Variants in SMIM35 observed in about 807,000 individuals in gnomAD.
SMIM35 encodes TMPRSS4 antisense RNA 1 (non-protein coding).
chr11:118,028,856 G>A (rs1325045125), intron 1 of SMIM35: 3 of 449,974 alleles, frequency 6.7e-6, no homozygotes, highest in South Asian at 4.7e-5. Context: ...AAAGGAGGAG[G>A]AAGAAGAAGA....
intron 1 of SMIM35, chr11:118,077,124 G>T (rs1315443428): frequency 4.9e-6 from 3 of 607,434 alleles, no homozygotes; most frequent in Non-Finnish European, 5.6e-6. Flanking sequence ...CAGCGGACAA[G>T]GATGCTGGGC....
intron 1 of SMIM35, among the ~76,000 whole-genome samples, chr11:118,026,898 A>T (rs1046192248): frequency 6.6e-6 from 1 of 152,122 alleles, no homozygotes; most frequent in Non-Finnish European, 1.5e-5. Context: ...CAAAATCCAA[A>T]TTTAAGAAAA....
At chr11:118,033,877 G>T (rs2058338082) in intron 1 of SMIM35, among the ~76,000 whole-genome samples, 1 of 152,172 alleles carries the variant, frequency 6.6e-6, no homozygotes, top group Non-Finnish European at 1.5e-5. Context: ...CTTACAATGT[G>T]TCCATGAGCA....
At chr11:118,023,679 T>C (rs948645637) in intron 1 of SMIM35, among the ~76,000 whole-genome samples, 5 of 152,000 alleles carry the variant, frequency 3.3e-5, no homozygotes, top group Non-Finnish European at 7.4e-5. Context: ...AGTAGTGCAC[T>C]TGAAGGCATA....
chr11:118,079,820 TGGG>T (rs1565405358), intron 1 of SMIM35, among the ~76,000 whole-genome samples: 1 of 152,148 alleles, frequency 6.6e-6, no homozygotes, highest in African/African-American at 2.4e-5. Context: ...CCACCCTGAC[TGGG>T]GCACAGAATC....
intron 4 of SMIM35, among the ~76,000 whole-genome samples, chr11:118,007,831 C>T (rs1335032898): frequency 6.6e-6 from 1 of 152,048 alleles, no homozygotes; most frequent in African/African-American, 2.4e-5. Context: ...TCCAGCACTG[C>T]CCAACCTGTT....
chr11:118,054,270 C>T (rs78800712), intron 1 of SMIM35, among the ~76,000 whole-genome samples: 2,473 of 151,694 alleles, frequency 0.016, 108 homozygotes, highest in East Asian at 0.11. Context: ...TTTGTGTGGA[C>T]GCATTGTGCA....
At chr11:118,013,721 T>C (rs985066380) in intron 4 of SMIM35, 27 bp downstream of exon 4, 2 of 398,808 alleles carry the variant, frequency 5.0e-6, no homozygotes, top group Non-Finnish European at 4.4e-6. Flanking sequence ...TCAGGCTCAC[T>C]CGGCAGCTCT....
intron 4 of SMIM35, among the ~76,000 whole-genome samples, chr11:118,008,167 G>A (rs2135010293): frequency 6.6e-6 from 1 of 152,302 alleles, no homozygotes; most frequent in Non-Finnish European, 1.5e-5. Flanking sequence ...ACCGTGCCCG[G>A]CCACACCTGT....
intron 4 of SMIM35, among the ~76,000 whole-genome samples, chr11:118,009,165 G>A (rs1036187804): frequency 6.6e-6 from 1 of 152,122 alleles, no homozygotes; most frequent in Non-Finnish European, 1.5e-5. Flanking sequence ...AGCTGAGGAT[G>A]GGGCCTGGGG....
At chr11:118,025,097 T>G (rs768462606) in intron 1 of SMIM35, among the ~76,000 whole-genome samples, 7 of 152,186 alleles carry the variant, frequency 4.6e-5, no homozygotes, top group Admixed American at 3.3e-4. Flanking sequence ...AAGGAGAAGA[T>G]TTTGTTCTTT....
At chr11:118,028,411 A>AT in intron 1 of SMIM35, among the ~76,000 whole-genome samples, 2 of 151,858 alleles carry the variant, frequency 1.3e-5, no homozygotes, top group Middle Eastern at 6.8e-3. Context: ...ATGATATGTT[A>AT]TTTTTTCTTT....
chr11:118,061,550 C>G (rs1256673459), intron 1 of SMIM35, among the ~76,000 whole-genome samples: 1 of 152,094 alleles, frequency 6.6e-6, no homozygotes. Context: ...CAGACGAACA[C>G]CGTCGGATCA....
chr11:118,030,004 A>G (rs2058305165), intron 1 of SMIM35: 1 of 342,748 alleles, frequency 2.9e-6, no homozygotes, highest in South Asian at 2.2e-5. Flanking sequence ...ATGCAGAAAT[A>G]TGAAAATATC....
intron 1 of SMIM35, among the ~76,000 whole-genome samples, chr11:118,077,764 C>A (rs1246881711): frequency 1.3e-5 from 2 of 152,042 alleles, no homozygotes; most frequent in Non-Finnish European, 2.9e-5. Context: ...GTAGTCCCAG[C>A]ACTTTGCGAG....
intron 1 of SMIM35, among the ~76,000 whole-genome samples, chr11:118,052,712 C>T (rs1044520585): frequency 2.0e-5 from 3 of 152,122 alleles, no homozygotes; most frequent in East Asian, 3.9e-4. Flanking sequence ...TCTGTCCAGC[C>T]AAACATAGGC....
intron 1 of SMIM35, among the ~76,000 whole-genome samples, chr11:118,051,884 C>T (rs375618516): frequency 3.5e-5 from 5 of 144,292 alleles, no homozygotes; most frequent in Non-Finnish European, 7.6e-5. Flanking sequence ...TACTAATACT[C>T]TTGGGTTGAT....
Position 118,022,139 on chromosome 11 carries a change from A to G in SMIM35, c.8-6330T>C, listed in dbSNP as rs1172793746. On this transcript the variant is annotated intron_variant, in intron 1 of 4. Coordinates refer to ENST00000689828, the MANE Select transcript of SMIM35 (RefSeq NM_001394165.1). ...ACAACAACCTCCACCTCCCTGGTTC[A>G]AGTGAGGTTCAAGTGATTCTCCTGC... 3.4e-5 allele frequency among the ~76,000 whole-genome samples: 5 copies of G among 148,882 alleles called. No homozygotes were observed. In the East Asian group the frequency reaches 1.0e-3, roughly 30 times the overall value.
At chr11:118,081,324 T>C (rs1450027205) in intron 1 of SMIM35, among the ~76,000 whole-genome samples, 2 of 152,122 alleles carry the variant, frequency 1.3e-5, no homozygotes, top group Non-Finnish European at 2.9e-5. Context: ...ACCCTGGTGA[T>C]AGGGAAGGGG....
Sources: gnomAD v4.1 joint callset for allele counts (sites outside exome capture counted in the v4.1 genomes callset) on GRCh38, gnomAD v4.1.1 for gene constraint, MANE v1.5 for transcripts, NCBI Gene and HGNC (gene_info 2026-07-23, HGNC 2026-07-21) for gene names.